PTGFRN: variants seen among roughly 807,000 people sequenced by gnomAD.
PTGFRN encodes prostaglandin F2 receptor negative regulator.
PTGFRN carries 35 observed loss-of-function variants against 83.2 expected under a neutral mutation model. The ratio of observed to expected loss-of-function variants is 0.42; its 90% CI spans 0.32 to 0.56. PTGFRN has a LOEUF of 0.56. Ranked by LOEUF, PTGFRN falls within the 20% of genes least tolerant of loss-of-function variation. The pLI is 0.11. For missense variants in PTGFRN, 1,051 were observed against 1,179.5 expected (o/e 0.89, Z 1.60); for synonymous variants, 519 against 498.6 (o/e 1.04, Z -0.55).
chr1:116,944,145 C>G (rs929037737), intron 2 of PTGFRN, among the ~76,000 whole-genome samples: 12 of 152,252 alleles, frequency 7.9e-5, no homozygotes, highest in Non-Finnish European at 1.8e-4. Context: ...CCTTTCTCCC[C>G]TGTGGATCTT....
chr1:116,965,559 A>G (rs917362695), intron 5 of PTGFRN, among the ~76,000 whole-genome samples: 10 of 152,174 alleles, frequency 6.6e-5, no homozygotes, highest in African/African-American at 2.4e-4. Flanking sequence ...CAGTGAGATT[A>G]CAGGAATGAG....
At chr1:116,950,406 A>G (rs1351948493) in intron 4 of PTGFRN, among the ~76,000 whole-genome samples, 1 of 150,654 alleles carries the variant, frequency 6.6e-6, no homozygotes, top group Non-Finnish European at 1.5e-5. Flanking sequence ...CAGAGATGGG[A>G]CAGGCCTTTC....
In PTGFRN at chr1:116,944,941, C is replaced by A; in HGVS notation, c.681C>A (p.Ser227Arg). The change falls in exon 3 of 9, where the codon AGC becomes AGA. Residue 227 changes from serine (S) to arginine (R), a missense_variant. Physicochemically the swap from Ser to Arg is moderately radical, Grantham distance 110. This residue lies in a region of PTGFRN where 205 missense variants were observed against 174.5 expected (regional missense o/e 1.17). Transcript: ENST00000393203. ...ACGTGCGCCTCGACACCGTGGGCAG[C>A]GACGCCTACCGCCTCTCAGTGTCCC... ...SGDVRLDTVGSDAYRLSVSRA... is the reference protein window; with the variant it reads ...SGDVRLDTVGRDAYRLSVSRA... 6.2e-7 allele frequency: 1 copy of A among 1,613,118 alleles called. No individual in the cohort carries two copies. The highest frequency in any genetic ancestry group is 2.2e-5 in the East Asian group (1 of 44,876).
chr1:116,931,131 T>C (rs757473973), intron 1 of PTGFRN, among the ~76,000 whole-genome samples: 11 of 152,228 alleles, frequency 7.2e-5, no homozygotes, highest in Non-Finnish European at 1.2e-4. Context: ...TGAGCACTGA[T>C]ACGTTGCTCA....
intron 1 of PTGFRN, among the ~76,000 whole-genome samples, chr1:116,929,541 C>T (rs772100370): frequency 3.3e-5 from 5 of 152,162 alleles, no homozygotes; most frequent in Non-Finnish European, 7.3e-5. Context: ...CCCAAGCTTG[C>T]TCCATCACAG....
intron 5 of PTGFRN, among the ~76,000 whole-genome samples, chr1:116,963,664 G>A (rs766493947): frequency 4.6e-5 from 7 of 152,110 alleles, no homozygotes; most frequent in Non-Finnish European, 1.0e-4. Context: ...CTGGAGTACA[G>A]TGGTGTGATT....
At chr1:116,969,903 G>A (rs1017578115) in intron 6 of PTGFRN, among the ~76,000 whole-genome samples, 2 of 152,096 alleles carry the variant, frequency 1.3e-5, no homozygotes, top group African/African-American at 4.8e-5. Flanking sequence ...ATTCATTGCA[G>A]TTTCATAGAA....
Position 116,987,182 on chromosome 1 carries a change from A to G in PTGFRN, c.*215A>G. ...TCTTCCCACGGCACTTTCTGATGTA[A>G]CAATCGAGTGTGTGTTTTCCCAACT... On this transcript the variant is annotated 3_prime_UTR_variant, in exon 9 of 9. Coordinates refer to ENST00000393203, the MANE Select transcript of PTGFRN (RefSeq NM_020440.4). 5.7e-6 allele frequency: 3 copies of G among 528,634 alleles called. No individual in the cohort carries two copies. The highest frequency in any genetic ancestry group is 6.6e-5 in the East Asian group (2 of 30,222). 32.7% of individuals were successfully genotyped at this position (528,634 alleles called of 1,614,324 possible).
At chr1:116,921,555 T>G (rs1156547979) in intron 1 of PTGFRN, among the ~76,000 whole-genome samples, 1 of 152,040 alleles carries the variant, frequency 6.6e-6, no homozygotes, top group Non-Finnish European at 1.5e-5. Flanking sequence ...AAAACAGTTA[T>G]GACCCTTGAA....
chr1:116,976,793 T>A (rs1651168772), intron 7 of PTGFRN, among the ~76,000 whole-genome samples: 1 of 152,186 alleles, frequency 6.6e-6, no homozygotes, highest in Non-Finnish European at 1.5e-5. Flanking sequence ...AGACCATTGA[T>A]GCTAGGAAGA....
At chr1:116,913,420 A>G (rs1649321443) in intron 1 of PTGFRN, among the ~76,000 whole-genome samples, 1 of 134,546 alleles carries the variant, frequency 7.4e-6, no homozygotes, top group Non-Finnish European at 1.5e-5. Flanking sequence ...GGAGGAAATA[A>G]TGGGGGTGCA....
intron 1 of PTGFRN, among the ~76,000 whole-genome samples, chr1:116,924,960 C>T (rs563353036): frequency 5.9e-5 from 9 of 152,224 alleles, no homozygotes; most frequent in African/African-American, 1.7e-4. Context: ...CAAGCAGACC[C>T]GCAGTGGGCA....
At chr1:116,929,953 C>T (rs186670797) in intron 1 of PTGFRN, among the ~76,000 whole-genome samples, 15 of 152,222 alleles carry the variant, frequency 9.9e-5, no homozygotes, top group African/African-American at 3.1e-4. Context: ...ATTGAAAATG[C>T]GCTTTCCTGG....
intron 7 of PTGFRN, among the ~76,000 whole-genome samples, chr1:116,979,923 A>ATTTTGCT (rs1651263302): frequency 1.3e-5 from 2 of 152,228 alleles, no homozygotes; most frequent in Non-Finnish European, 2.9e-5. Flanking sequence ...CTACCATCAG[A>ATTTTGCT]GTGAACAGGC....
intron 7 of PTGFRN, among the ~76,000 whole-genome samples, chr1:116,982,351 G>T (rs959954561): frequency 1.3e-5 from 2 of 152,078 alleles, no homozygotes; most frequent in Non-Finnish European, 2.9e-5. Context: ...TGCACTCTTG[G>T]ACTGTGTGGA....
chr1:116,910,363 C>T (rs1649235297), intron 1 of PTGFRN, 111 bp downstream of exon 1: 2 of 1,023,958 alleles, frequency 2.0e-6, no homozygotes, highest in South Asian at 4.8e-5. Context: ...GCCCGGGCTG[C>T]TCCCGGGAAA....
Position 116,936,224 on chromosome 1 carries a change from A to G in PTGFRN, c.50-5491A>G, listed in dbSNP as rs142298377. Among the ~76,000 whole-genome samples, 8 of 129,452 alleles carry G rather than the reference A, an allele frequency of 6.2e-5. No individual in the cohort carries two copies. The East Asian group carries it at 1.8e-3, about 29-fold the overall frequency. The allele number at this position is 129,452 out of a possible 152,430, so 84.9% of individuals were successfully genotyped here. A position where few individuals can be genotyped will look rare whatever the true frequency, so the allele number is the denominator to read the frequency against. On this transcript the variant is annotated intron_variant, in intron 1 of 8. Transcript: ENST00000393203. Reference sequence around the variant, plus strand: ...TTTTCCAAGTTATATTTATTTTTAAATATCATTAGCTGTTATTTAACAATA... The same window carrying G: ...TTTTCCAAGTTATATTTATTTTTAAGTATCATTAGCTGTTATTTAACAATA...
intron 6 of PTGFRN, among the ~76,000 whole-genome samples, chr1:116,971,891 A>T: frequency 6.6e-6 from 1 of 152,206 alleles, no homozygotes; most frequent in East Asian, 1.9e-4. Flanking sequence ...AGAATTTCTT[A>T]ATGTTTTGTC....
intron 1 of PTGFRN, among the ~76,000 whole-genome samples, chr1:116,917,742 A>G (rs1054930530): frequency 8.6e-5 from 13 of 151,824 alleles, no homozygotes; most frequent in African/African-American, 2.4e-4. Context: ...CAGTCCTCCC[A>G]CCTCAGCCTC....
Sources: allele counts gnomAD v4.1 joint callset (sites outside exome capture counted in the v4.1 genomes callset), GRCh38; gene constraint gnomAD v4.1.1; regional missense constraint gnomAD v4.1.1; transcripts MANE v1.5; gene names NCBI Gene and HGNC (gene_info 2026-07-23, HGNC 2026-07-21).